The following DERA variants were observed in gnomAD, a reference collection of about 807,000 sequenced individuals.
The protein encoded by DERA is 2-deoxy-D-ribose 5-phosphate aldolase.
DERA carries 15 observed loss-of-function variants against 41.1 expected under a neutral mutation model. That is an observed-to-expected ratio of 0.37 (90% CI 0.24 to 0.56). DERA has a LOEUF of 0.56. Ranked by LOEUF, DERA falls within the 20% of genes least tolerant of loss-of-function variation. The pLI is 0.81. For missense variants in DERA, 396 were observed against 403.4 expected, an observed-to-expected ratio of 0.98 and a Z score of 0.16; for synonymous variants, 139 against 137.4, an observed-to-expected ratio of 1.01 and a Z score of -0.08.
At chr12:15,971,422 T>A (rs1481826565) in intron 5 of DERA, among the ~76,000 whole-genome samples, 2 of 151,864 alleles carry the variant, frequency 1.3e-5, no homozygotes, top group Non-Finnish European at 2.9e-5. Context: ...GTCCATGCAG[T>A]CTTGGCAAGA....
At chr12:16,016,885 C>G (rs1407071004) in intron 6 of DERA, among the ~76,000 whole-genome samples, 25 of 147,860 alleles carry the variant, frequency 1.7e-4, no homozygotes. Flanking sequence ...TAACTTATTT[C>G]TGGCATTACT....
chr12:15,982,529 G>T lies in DERA; in HGVS notation c.637+93G>T. On this transcript the variant is annotated intron_variant, in intron 6 of 8. Coordinates refer to ENST00000428559, the MANE Select transcript of DERA (RefSeq NM_015954.4). This position sits in a 1 kb window ranked among gnomAD's most constrained non-coding sequence, Gnocchi z 4.0. The stretch of plus-strand genomic sequence containing the variant: ...AAAGCATTTAGCTATTATTAAACGT[G>T]CTAACCACTTGGAATTTTTTTGCGG... 7.3e-7 allele frequency: 1 copy of T among 1,368,580 alleles called. No individual in the cohort carries two copies. The highest frequency in any genetic ancestry group is 1.6e-5 in the South Asian group (1 of 62,458). 84.8% of individuals were successfully genotyped at this position (1,368,580 alleles called of 1,614,324 possible).
rs374496248 is a variant in DERA, at chr12:15,976,723, C to T, written c.509-5585C>T. ...GAAAAATGATTGATTACCTTCCTAA[C>T]CGTTTTAATACTTTTATATTTATTG... On this transcript the variant is annotated intron_variant, in intron 5 of 8. Coordinates refer to ENST00000428559, the MANE Select transcript of DERA (RefSeq NM_015954.4). This position sits in a 1 kb window ranked among gnomAD's most constrained non-coding sequence, Gnocchi z 4.1. Among the ~76,000 whole-genome samples, 47 of 152,290 alleles carry T rather than the reference C, an allele frequency of 3.1e-4. No homozygotes were observed. The South Asian group carries it at 6.8e-3, about 22-fold the overall frequency.
In DERA at chr12:15,935,167, C is replaced by T. The variant is rs762232921; in HGVS notation, c.32-21769C>T. 1.3e-5 allele frequency among the ~76,000 whole-genome samples: 2 copies of T among 152,090 alleles called. No individual in the cohort carries two copies. Among genetic ancestry groups the T allele is most frequent in the Non-Finnish European group, 2.9e-5 (2 of 68,012 alleles). ...AGCTGAATTTAAATACATGGACATC[C>T]ATTGCTATGATATTTTAAAGTTTCA... On this transcript the variant is annotated intron_variant, in intron 1 of 8. Coordinates refer to ENST00000428559, the MANE Select transcript of DERA (RefSeq NM_015954.4). The surrounding 1 kb of genome is among the most constrained non-coding windows in gnomAD (Gnocchi z 4.8).
Position 15,959,975 on chromosome 12 carries a change from C to A in DERA, c.373+51C>A. On this transcript the variant is annotated intron_variant, in intron 4 of 8. Transcript: ENST00000428559. This position sits in a 1 kb window ranked among gnomAD's most constrained non-coding sequence, Gnocchi z 4.5. Reference sequence around the variant, plus strand: ...TTATTTTTTAAACATGTTTCCAGTTCTTCATACAATGGGGTATTATATGTA... The same window carrying A: ...TTATTTTTTAAACATGTTTCCAGTTATTCATACAATGGGGTATTATATGTA... 1 of 1,339,842 alleles carries A rather than the reference C, an allele frequency of 7.5e-7. No individual in the cohort carries two copies. The highest frequency in any genetic ancestry group is 1.3e-5 in the South Asian group (1 of 76,924). 83.0% of individuals were successfully genotyped at this position (1,339,842 alleles called of 1,614,324 possible). A position where few individuals can be genotyped will look rare whatever the true frequency, so the allele number is the denominator to read the frequency against.
intron 1 of DERA, among the ~76,000 whole-genome samples, chr12:15,927,690 AGT>A (rs748491519): frequency 3.3e-5 from 5 of 152,204 alleles, no homozygotes; most frequent in Non-Finnish European, 7.3e-5. Context: ...AATTAGCTGT[AGT>A]GTATGTGGTT....
chr12:15,947,762 T>G (rs1948462740), intron 1 of DERA, among the ~76,000 whole-genome samples: 1 of 152,214 alleles, frequency 6.6e-6, no homozygotes, highest in Non-Finnish European at 1.5e-5. Context: ...TGATGTTAGC[T>G]GGTTATTTTG....
chr12:15,960,894 T>C (rs1291366450), intron 4 of DERA, among the ~76,000 whole-genome samples: 1 of 152,152 alleles, frequency 6.6e-6, no homozygotes, highest in Non-Finnish European at 1.5e-5. Context: ...AAAGGTTTGC[T>C]GTTGTTGACT....
intron 1 of DERA, among the ~76,000 whole-genome samples, chr12:15,939,484 T>A (rs554366885): frequency 6.6e-6 from 1 of 152,354 alleles, no homozygotes; most frequent in African/African-American, 2.4e-5. Context: ...GTATACTAGT[T>A]GAAATCTCAT....
rs569663065 is a variant in DERA, at chr12:15,941,200, C to T, written c.32-15736C>T. On this transcript the variant is annotated intron_variant, in intron 1 of 8. Coordinates refer to ENST00000428559, the MANE Select transcript of DERA (RefSeq NM_015954.4). The surrounding 1 kb of genome is among the most constrained non-coding windows in gnomAD (Gnocchi z 4.5). Reference sequence around the variant, plus strand: ...TTCATGTTCACCTAATCTACAGTAGCGGCTCATTGACCTACTGACTGTGGG... The same window carrying T: ...TTCATGTTCACCTAATCTACAGTAGTGGCTCATTGACCTACTGACTGTGGG... Among the ~76,000 whole-genome samples, 7 of 152,250 alleles carry T rather than the reference C, an allele frequency of 4.6e-5. No homozygotes were observed. Among genetic ancestry groups the T allele is most frequent in the South Asian group, 2.1e-4 (1 of 4,810 alleles).
intron 1 of DERA, among the ~76,000 whole-genome samples, chr12:15,939,844 A>G (rs1444059557): frequency 1.3e-5 from 2 of 152,202 alleles, no homozygotes; most frequent in Non-Finnish European, 2.9e-5. Context: ...GTTTAATTTA[A>G]TGTCACCTTT....
chr12:15,985,508 A>T lies in DERA; in HGVS notation c.637+3072A>T, dbSNP rs989930548. Among the ~76,000 whole-genome samples, 16 of 150,906 alleles carry T rather than the reference A, an allele frequency of 1.1e-4. No homozygotes were observed. The highest frequency in any genetic ancestry group is 2.0e-4 in the Admixed American group (3 of 15,178). On this transcript the variant is annotated intron_variant, in intron 6 of 8. Coordinates refer to ENST00000428559, the MANE Select transcript of DERA (RefSeq NM_015954.4). The surrounding 1 kb of genome is among the most constrained non-coding windows in gnomAD (Gnocchi z 4.2). The stretch of plus-strand genomic sequence containing the variant: ...CTTTTCTTTCCTCCTCTGCTTGTTC[A>T]TGCTAGGGCTTTGCCAATTTTATTA...
At chr12:15,950,800 T>C (rs929755197) in intron 1 of DERA, among the ~76,000 whole-genome samples, 2 of 152,230 alleles carry the variant, frequency 1.3e-5, no homozygotes. Context: ...TTAATAGATA[T>C]TTATGTGTTT....
rs192814041 is a variant in DERA, at chr12:15,931,645, A to G, written c.31+20231A>G. 1.5e-3 allele frequency among the ~76,000 whole-genome samples: 226 copies of G among 152,328 alleles called. No homozygotes were observed. The highest frequency in any genetic ancestry group is 8.1e-3 in the East Asian group (42 of 5,184). On this transcript the variant is annotated intron_variant, in intron 1 of 8. Coordinates refer to ENST00000428559, the MANE Select transcript of DERA (RefSeq NM_015954.4). This position sits in a 1 kb window ranked among gnomAD's most constrained non-coding sequence, Gnocchi z 4.6. Reference sequence around the variant, plus strand: ...GCTATGGTTTGGATGTGGTTTGTCTACACTAAAGCTGATGTTCAAATTTGA... The same window carrying G: ...GCTATGGTTTGGATGTGGTTTGTCTGCACTAAAGCTGATGTTCAAATTTGA...
In DERA at chr12:15,911,426, G is replaced by C; in HGVS notation, c.31+12G>C. 1 of 1,408,404 alleles carries C rather than the reference G, an allele frequency of 7.1e-7. No homozygotes were observed. The highest frequency in any genetic ancestry group is 9.2e-7 in the Non-Finnish European group (1 of 1,090,988). The allele number at this position is 1,408,404 out of a possible 1,614,324, so 87.2% of individuals were successfully genotyped here. A position where few individuals can be genotyped will look rare whatever the true frequency, so the allele number is the denominator to read the frequency against. ...GGGCACCGAGCTCGGTAAGGGGCCC[G>C]CGGGGCTCCCCATCCCCTCTCCCTC... On this transcript the variant is annotated intron_variant, in intron 1 of 8. Coordinates refer to ENST00000428559, the MANE Select transcript of DERA (RefSeq NM_015954.4). This position sits in a 1 kb window ranked among gnomAD's most constrained non-coding sequence, Gnocchi z 4.5.
intron 1 of DERA, among the ~76,000 whole-genome samples, chr12:15,952,219 G>A (rs1021085219): frequency 2.0e-5 from 3 of 152,136 alleles, no homozygotes; most frequent in African/African-American, 7.2e-5. Flanking sequence ...TCTTTTTAAT[G>A]GCTGAATTGT....
chr12:15,962,241 G>A (rs1325798709), intron 4 of DERA, among the ~76,000 whole-genome samples: 1 of 152,202 alleles, frequency 6.6e-6, no homozygotes, highest in African/African-American at 2.4e-5. Flanking sequence ...AATTAGGTGT[G>A]TTTTCCTCCT....
At position 15,921,148 on chromosome 12, in the gene DERA, G is replaced by A. The variant is rs1344651510; in HGVS notation, c.31+9734G>A. 6.6e-6 allele frequency among the ~76,000 whole-genome samples: 1 copy of A among 152,182 alleles called. No individual in the cohort carries two copies. The highest frequency in any genetic ancestry group is 1.5e-5 in the Non-Finnish European group (1 of 68,038). On this transcript the variant is annotated intron_variant, in intron 1 of 8. Transcript: ENST00000428559. The surrounding 1 kb of genome is among the most constrained non-coding windows in gnomAD (Gnocchi z 5.3). ...GAAATAAGCCTTTTTATTTGATTGA[G>A]ATAAGTGAAGAAATGTGTTAAAGTG...
At chr12:15,929,977 T>G (rs1339862775) in intron 1 of DERA, among the ~76,000 whole-genome samples, 1 of 152,216 alleles carries the variant, frequency 6.6e-6, no homozygotes, top group African/African-American at 2.4e-5. Flanking sequence ...ATTCAAATCC[T>G]GGTTCTTCTA....
Sources: gnomAD v4.1 joint callset for allele counts (sites outside exome capture counted in the v4.1 genomes callset) on GRCh38, gnomAD v4.1.1 for gene constraint, Gnocchi (gnomAD v3.1) non-coding constraint, MANE v1.5 for transcripts, NCBI Gene and HGNC (gene_info 2026-07-23, HGNC 2026-07-21) for gene names.